MYO16: variants seen among roughly 807,000 people sequenced by gnomAD.
MYO16 encodes the protein unconventional myosin-XVI.
Under a neutral mutation model 205.3 loss-of-function variants are expected in MYO16, and 94 were observed. The observed-to-expected ratio is 0.46, with a 90% CI of 0.39 to 0.54. The LOEUF is 0.54. Among genes scored for constraint, MYO16 ranks in the 20% least tolerant of loss-of-function variants. MYO16 has a pLI of 0.00. For synonymous variants in MYO16, 988 were observed against 954.0 expected, an observed-to-expected ratio of 1.04 and a Z score of -0.66; for missense variants, 2,315 against 2,387.5, an observed-to-expected ratio of 0.97 and a Z score of 0.63.
chr13:108,878,624 T>C (rs887194407), intron 12 of MYO16, among the ~76,000 whole-genome samples: 14 of 152,230 alleles, frequency 9.2e-5, no homozygotes, highest in African/African-American at 2.9e-4. Flanking sequence ...AGAAGGTCCA[T>C]TGAACTGTTT....
intron 22 of MYO16, among the ~76,000 whole-genome samples, chr13:109,012,616 A>C (rs1027259664): frequency 2.0e-5 from 3 of 152,004 alleles, no homozygotes; most frequent in African/African-American, 7.3e-5. Context: ...GTCTTCCACA[A>C]AACCGTTCCC....
intron 23 of MYO16, among the ~76,000 whole-genome samples, chr13:109,044,431 G>A (rs1392703932): frequency 1.3e-5 from 2 of 152,110 alleles, no homozygotes; most frequent in African/African-American, 4.8e-5. Flanking sequence ...GGATATGATT[G>A]GAGGCATTTG....
chr13:108,619,866 G>C (rs1343580130), intron 1 of MYO16, among the ~76,000 whole-genome samples: 1 of 152,116 alleles, frequency 6.6e-6, no homozygotes, highest in Admixed American at 6.6e-5. Flanking sequence ...TGCGCGGTGA[G>C]GAAGGTAGAA....
chr13:109,204,250 T>C (rs925717680), intron 34 of MYO16, among the ~76,000 whole-genome samples: 1 of 152,230 alleles, frequency 6.6e-6, no homozygotes, highest in African/African-American at 2.4e-5. Context: ...TTAGGAAACA[T>C]GGTGTCTTAA....
chr13:108,581,156 C>T, the MYO16 span, among the ~76,000 whole-genome samples: 1 of 152,028 alleles, frequency 6.6e-6, no homozygotes, highest in African/African-American at 2.4e-5. Context: ...TTTGAGTACC[C>T]ATTTTAGAAA....
intron 16 of MYO16, among the ~76,000 whole-genome samples, chr13:108,921,577 T>C (rs1260397732): frequency 6.6e-6 from 1 of 152,212 alleles, no homozygotes; most frequent in African/African-American, 2.4e-5. Context: ...TTGATATACA[T>C]CAATAGCTGT....
rs755955306 is a variant in MYO16 at position 109,141,351 on chromosome 13, G to T, written c.5139G>T (p.Ala1713=). The T allele has an allele frequency of 5.2e-6, 8 of 1,544,794 alleles. No homozygotes were observed. Among genetic ancestry groups the T allele is most frequent in the Non-Finnish European group, 7.0e-6 (8 of 1,149,646 alleles). The part of the protein sequence containing the change: ...SGRSVLRKSA[A]GRKIREAEGF... Reference sequence around the variant, plus strand: ...GGAGTGTGCTTCGGAAATCCGCGGCGGGAAGAAAAATCAGGGAAGCAGAAG... The same window carrying T: ...GGAGTGTGCTTCGGAAATCCGCGGCTGGAAGAAAAATCAGGGAAGCAGAAG... The change falls in exon 32 of 35, where the codon GCG becomes GCT. Residue 1713 remains alanine (A), a synonymous_variant. Coordinates refer to ENST00000457511, the MANE Select transcript of MYO16 (RefSeq NM_001198950.3). This position sits in a 1 kb window ranked among gnomAD's most constrained non-coding sequence, Gnocchi z 4.1.
At chr13:108,705,350 G>C (rs1166483310) in intron 2 of MYO16, among the ~76,000 whole-genome samples, 1 of 152,174 alleles carries the variant, frequency 6.6e-6, no homozygotes, top group Non-Finnish European at 1.5e-5. Context: ...CCTATCATCA[G>C]AAGGTCAGTT....
chr13:108,753,883 T>C (rs925797628), intron 4 of MYO16, among the ~76,000 whole-genome samples: 7 of 152,250 alleles, frequency 4.6e-5, no homozygotes, highest in African/African-American at 1.7e-4. Context: ...AAAGAGGCTA[T>C]ACTTTGAGGA....
chr13:109,006,828 G>T (rs1039478026), intron 21 of MYO16, among the ~76,000 whole-genome samples: 5 of 152,166 alleles, frequency 3.3e-5, no homozygotes, highest in Admixed American at 6.5e-5. Flanking sequence ...GCTCACAAAA[G>T]AAGTGGGTAT....
intron 23 of MYO16, among the ~76,000 whole-genome samples, chr13:109,032,356 A>C (rs1287512046): frequency 2.0e-5 from 3 of 152,204 alleles, no homozygotes; most frequent in Non-Finnish European, 2.9e-5. Flanking sequence ...AGGCCGCTGC[A>C]GCAGAAGCCA....
chr13:108,501,080 C>G, the MYO16 span, among the ~76,000 whole-genome samples: 3 of 152,160 alleles, frequency 2.0e-5, no homozygotes, highest in Non-Finnish European at 4.4e-5. Flanking sequence ...TCATCTTCCC[C>G]CAAATACCCC....
chr13:108,750,894 T>A (rs117208346), intron 4 of MYO16, among the ~76,000 whole-genome samples: 1 of 152,120 alleles, frequency 6.6e-6, no homozygotes, highest in African/African-American at 2.4e-5. Flanking sequence ...AGCTTTCTCA[T>A]TGATGCAGTG....
At chr13:109,057,908 G>A (rs942159890) in intron 27 of MYO16, among the ~76,000 whole-genome samples, 5 of 152,108 alleles carry the variant, frequency 3.3e-5, no homozygotes, top group African/African-American at 1.2e-4. Flanking sequence ...AGTGATCCGC[G>A]GGGGCCTCAG....
chr13:108,624,784 AGTGTGTGTGTGTGTGT>A (rs6145237), upstream of MYO16, among the ~76,000 whole-genome samples: 1,098 of 90,844 alleles, frequency 0.012, 24 homozygotes, highest in South Asian at 0.13. Context: ...ATATAGCCTG[AGTGTGTGTGTGTGTGT>A]GTGTGTGTGT....
intron 16 of MYO16, among the ~76,000 whole-genome samples, chr13:108,936,419 C>T (rs1882495137): frequency 6.6e-6 from 1 of 151,884 alleles, no homozygotes. Context: ...TTGGTCTGTT[C>T]AGTGTTTCAG....
rs564013281 is a variant in MYO16 at position 108,755,645 on chromosome 13, A to G, written c.507+28062A>G. 7.9e-5 allele frequency among the ~76,000 whole-genome samples: 12 copies of G among 152,090 alleles called. No individual in the cohort carries two copies. In the East Asian group the frequency reaches 1.9e-3, roughly 24 times the overall value. ...TGTTTCGTTCAAATGTAGTGACACT[A>G]TATTTAACTTCAAAAAAATGAAGTA... On this transcript the variant is annotated intron_variant, in intron 4 of 34. Coordinates refer to ENST00000457511, the MANE Select transcript of MYO16 (RefSeq NM_001198950.3).
At chr13:109,043,109 A>G (rs961586023) in intron 23 of MYO16, among the ~76,000 whole-genome samples, 4 of 152,234 alleles carry the variant, frequency 2.6e-5, no homozygotes, top group African/African-American at 9.6e-5. Flanking sequence ...ATTAGTTAGC[A>G]TTATATTAAA....
chr13:108,615,148 A>G (rs1879306474), intron 1 of MYO16, among the ~76,000 whole-genome samples: 1 of 152,118 alleles, frequency 6.6e-6, no homozygotes, highest in African/African-American at 2.4e-5. Context: ...AAAGGACGTG[A>G]ATCATATGTT....
Sources: gnomAD v4.1 joint callset for allele counts (sites outside exome capture counted in the v4.1 genomes callset) on GRCh38, gnomAD v4.1.1 for gene constraint, Gnocchi (gnomAD v3.1) non-coding constraint, MANE v1.5 for transcripts, NCBI Gene and HGNC (gene_info 2026-07-23, HGNC 2026-07-21) for gene names.